The following ZNF385A variants were observed in gnomAD, a reference collection of about 807,000 sequenced individuals.
ZNF385A encodes the protein hematopoietic zinc finger protein.
Under a neutral mutation model 32.1 loss-of-function variants are expected in ZNF385A, and 14 were observed. The ratio of observed to expected loss-of-function variants is 0.44; its 90% CI spans 0.29 to 0.68. ZNF385A has a LOEUF of 0.68. Ranked by LOEUF, ZNF385A falls within the 30% of genes least tolerant of loss-of-function variation. ZNF385A has a pLI of 0.14. For synonymous variants in ZNF385A, 197 were observed against 202.7 expected (o/e 0.97, Z 0.24); for missense variants, 406 against 478.4 (o/e 0.85, Z 1.41).
At chr12:54,374,973 C>G (rs1954765423) in intron 2 of ZNF385A, among the ~76,000 whole-genome samples, 1 of 152,108 alleles carries the variant, frequency 6.6e-6, no homozygotes, top group Non-Finnish European at 1.5e-5. Flanking sequence ...CAGGGTCACC[C>G]AGACAAGGGC....
At chr12:54,376,042 G>A (rs1198346806) in intron 1 of ZNF385A, 88 bp from the exon 2 acceptor site, 1 of 1,052,534 alleles carries the variant, frequency 9.5e-7, no homozygotes, top group Non-Finnish European at 1.5e-6. Context: ...TTGAACCAAG[G>A]TCCCCAGACC....
Position 54,370,981 on chromosome 12 carries a change from A to T in ZNF385A, c.720T>A (p.Thr240=). Residue 240 remains threonine, a synonymous_variant, in exon 5 of 7, where the codon ACT becomes ACA. Transcript: ENST00000394313. The surrounding 1 kb of genome is among the most constrained non-coding windows in gnomAD (Gnocchi z 5.5). The part of the protein sequence containing the change: ...GEPEAPAQDR[T]FHCEICNVKV... ...TGACATTGCAGATCTCACAGTGGAA[A>T]GTTCGGTCCTGGGCAGGAGCCTCTG... 2 of 1,614,162 alleles carry T rather than the reference A, an allele frequency of 1.2e-6. No individual in the cohort carries two copies. Among genetic ancestry groups the T allele is most frequent in the Admixed American group, 1.7e-5 (1 of 60,024 alleles).
upstream of ZNF385A, among the ~76,000 whole-genome samples, chr12:54,388,046 AGTGTGTGTGTGTGTGT>A (rs10665764): frequency 7.1e-6 from 1 of 140,430 alleles, no homozygotes; most frequent in Non-Finnish European, 1.6e-5. Flanking sequence ...AGTGTGTGTA[AGTGTGTGTGTGTGTGT>A]GTGTGTGTGT....
intron 3 of ZNF385A, 142 bp from the exon 4 acceptor site, chr12:54,371,857 TGGTCCAGAGCCA>T: frequency 8.1e-7 from 1 of 1,231,888 alleles, no homozygotes; most frequent in Non-Finnish European, 1.1e-6. Flanking sequence ...TCTCATGCCC[TGGTCCAGAGCCA>T]GATGTGGTCC....
Position 54,374,067 on chromosome 12 carries a change from C to T in ZNF385A, c.267G>A (p.Lys89=), listed in dbSNP as rs1460921433. 3 of 1,602,244 alleles carry T rather than the reference C, an allele frequency of 1.9e-6. No homozygotes were observed. The highest frequency in any genetic ancestry group is 2.6e-6 in the Non-Finnish European group (3 of 1,172,220). The change falls in exon 3 of 7, where the codon AAG becomes AAA. Residue 89 remains lysine, a synonymous_variant. Transcript: ENST00000394313. The part of the protein sequence containing the change: ...ARRVKGIEAA[K]TRGREPGVRE... ...GGACGCCAGGCTCCCTGCCTCTGGTCTTGGCAGCCTCAATGCCTTTGACTC... is the reference window on the plus strand; with the variant it reads ...GGACGCCAGGCTCCCTGCCTCTGGTTTTGGCAGCCTCAATGCCTTTGACTC...
At position 54,375,407 on chromosome 12, in the gene ZNF385A, G is replaced by A. The variant is rs1165602911; in HGVS notation, c.198+437C>T. On this transcript the variant is annotated intron_variant, in intron 2 of 6. Transcript: ENST00000394313. ...GAGAAGGAAGCCAGAAAGTTAGAGC[G>A]AAGTGGGTGGGCCAAGGAGGAGTTT... 3.3e-5 allele frequency among the ~76,000 whole-genome samples: 5 copies of A among 152,160 alleles called. No homozygotes were observed. The South Asian group carries it at 6.2e-4, about 19-fold the overall frequency.
At chr12:54,382,244 GT>G (rs35563558) in intron 1 of ZNF385A, among the ~76,000 whole-genome samples, 108,693 of 147,912 alleles carry the variant, frequency 0.73, 40,344 homozygotes, top group Middle Eastern at 0.82. Context: ...GTTTTTTGTT[GT>G]TTTTTTTTTT....
chr12:54,380,688 G>T (rs1190295239), intron 1 of ZNF385A, among the ~76,000 whole-genome samples: 3 of 152,102 alleles, frequency 2.0e-5, no homozygotes, highest in Non-Finnish European at 2.9e-5. Flanking sequence ...GTTCCCGAAG[G>T]CTAAGGCCTT....
chr12:54,389,844 GAGA>G (rs1275295065), intron 1 of ZNF385A, among the ~76,000 whole-genome samples: 3 of 152,138 alleles, frequency 2.0e-5, no homozygotes, highest in African/African-American at 4.8e-5. Context: ...AGAGGCTCTT[GAGA>G]AGGAGGCAGG....
intron 1 of ZNF385A, among the ~76,000 whole-genome samples, chr12:54,377,113 G>A (rs1954883940): frequency 6.6e-6 from 1 of 152,210 alleles, no homozygotes; most frequent in Non-Finnish European, 1.5e-5. Flanking sequence ...AAGAAGTGGG[G>A]GAAAGTAGTA....
intron 3 of ZNF385A, chr12:54,373,143 G>GTGTGTGTC (rs1954643861): frequency 1.3e-5 from 2 of 154,586 alleles, no homozygotes; most frequent in African/African-American, 2.5e-5. Context: ...GTGTGTGTGT[G>GTGTGTGTC]TGTGTGTGTG....
Position 54,371,107 on chromosome 12 carries a change from G to C in ZNF385A, c.605-11C>G. The C allele has an allele frequency of 6.3e-7, 1 of 1,581,912 alleles. No individual in the cohort carries two copies. Among genetic ancestry groups the C allele is most frequent in the Non-Finnish European group, 8.6e-7 (1 of 1,166,946 alleles). On this transcript the variant is annotated splice_polypyrimidine_tract_variant and intron_variant, in intron 4 of 6. Transcript: ENST00000394313. ...TCTTGTGCTTAGTACCTGGAGCCCA[G>C]AGAGGGCAGGAGGTAAGGGGTGGAA...
chr12:54,391,274 G>T, exon 1 of ZNF385A: 1 of 1,370,928 alleles, frequency 7.3e-7, no homozygotes. Context: ...GGGGTTCCGC[G>T]TCGCTCTGTC....
At position 54,371,026 on chromosome 12, in the gene ZNF385A, C is replaced by T. The variant is rs1348634688; in HGVS notation, c.675G>A (p.Gly225=). The T allele has an allele frequency of 2.5e-6, 4 of 1,614,032 alleles. No homozygotes were observed. Among genetic ancestry groups the T allele is most frequent in the Non-Finnish European group, 3.4e-6 (4 of 1,180,008 alleles). The change falls in exon 5 of 7, where the codon GGG becomes GGA. Residue 225 remains glycine (G), a synonymous_variant. Coordinates refer to ENST00000394313, the MANE Select transcript of ZNF385A (RefSeq NM_015481.3). ...LGPIKAYPRL[G]PPTPGEPEAP... is the part of the protein sequence containing the mutation. ...CCTCTGGTTCCCCCGGGGTGGGAGG[C>T]CCCAGCCGAGGGTAAGCTTTGATGG... is the stretch of plus-strand genomic sequence containing the variant.
chr12:54,387,507 C>T (rs1459561426), upstream of ZNF385A, among the ~76,000 whole-genome samples: 1 of 152,234 alleles, frequency 6.6e-6, no homozygotes. Flanking sequence ...TTTTCTGAGG[C>T]TAACAATAGT....
At chr12:54,372,969 G>A in intron 3 of ZNF385A, 1 of 180,672 alleles carries the variant, frequency 5.5e-6, no homozygotes, top group Non-Finnish European at 1.2e-5. Context: ...AACCTGGGAG[G>A]TGGAGGTTGC....
intron 1 of ZNF385A, among the ~76,000 whole-genome samples, chr12:54,383,345 C>T (rs1415261463): frequency 6.6e-6 from 1 of 152,036 alleles, no homozygotes; most frequent in Non-Finnish European, 1.5e-5. Context: ...CTTCTCTTCT[C>T]CCCCACCCCC....
In ZNF385A at chr12:54,379,173, C is replaced by T. The variant is rs1955005748; in HGVS notation, c.88-3219G>A. On this transcript the variant is annotated intron_variant, in intron 1 of 6. Transcript: ENST00000394313. ...GGCCAGGGACGCGGCGCTCGTTGCC[C>T]GGGCGGCTCGGGGCTGTGCGGCCCG... The T allele has an allele frequency of 1.5e-5, 15 of 979,254 alleles. No individual in the cohort carries two copies. The Middle Eastern group carries it at 1.6e-3, about 103-fold the overall frequency. 60.7% of individuals were successfully genotyped at this position (979,254 alleles called of 1,614,324 possible). A position where few individuals can be genotyped will look rare whatever the true frequency, so the allele number is the denominator to read the frequency against.
chr12:54,377,759 T>G (rs1954921274), intron 1 of ZNF385A, among the ~76,000 whole-genome samples: 1 of 152,130 alleles, frequency 6.6e-6, no homozygotes, highest in South Asian at 2.1e-4. Context: ...AGAGTTCTCC[T>G]CAGCCCTGGG....
Sources: allele counts gnomAD v4.1 joint callset (sites outside exome capture counted in the v4.1 genomes callset), GRCh38; gene constraint gnomAD v4.1.1; non-coding constraint Gnocchi (gnomAD v3.1); transcripts MANE v1.5; gene names NCBI Gene and HGNC (gene_info 2026-07-23, HGNC 2026-07-21).